RUNX2: variants seen among roughly 807,000 people sequenced by gnomAD.
RUNX2 encodes the protein runt-related transcription factor 2.
Under a neutral mutation model 51.7 loss-of-function variants are expected in RUNX2, and 10 were observed. That is an observed-to-expected ratio of 0.19 (90% CI 0.12 to 0.33). The LOEUF (loss-of-function observed/expected upper bound fraction) is 0.33. RUNX2 is among the 10% of genes least tolerant of loss of function. RUNX2 has a pLI of 1.00. For missense variants in RUNX2, 562 were observed against 691.3 expected (o/e 0.81, Z 2.10); for synonymous variants, 276 against 273.6 (o/e 1.01, Z -0.09).
intron 7 of RUNX2, among the ~76,000 whole-genome samples, chr6:45,526,843 T>C (rs1310090591): frequency 6.6e-6 from 1 of 152,218 alleles, no homozygotes; most frequent in Non-Finnish European, 1.5e-5. Flanking sequence ...ATCAGTTAAA[T>C]GACCATATAA....
intron 5 of RUNX2, among the ~76,000 whole-genome samples, chr6:45,451,214 G>A (rs1237202381): frequency 1.3e-5 from 2 of 152,122 alleles, no homozygotes; most frequent in East Asian, 1.9e-4. Flanking sequence ...GAGAAAAATC[G>A]AGTGGGAGGA....
chr6:45,398,822 A>G (rs1245799117), intron 2 of RUNX2, among the ~76,000 whole-genome samples: 2 of 152,212 alleles, frequency 1.3e-5, no homozygotes, highest in African/African-American at 4.8e-5. Flanking sequence ...ACAATCTAAG[A>G]AAGTAGGTAT....
At chr6:45,442,729 T>A (rs1462313055) in intron 5 of RUNX2, among the ~76,000 whole-genome samples, 1 of 152,220 alleles carries the variant, frequency 6.6e-6, no homozygotes, top group Admixed American at 6.5e-5. Flanking sequence ...TGATTGGGGT[T>A]CATCTGGATG....
At chr6:45,429,883 C>T (rs1798490657) in intron 3 of RUNX2, among the ~76,000 whole-genome samples, 1 of 152,012 alleles carries the variant, frequency 6.6e-6, no homozygotes, top group Admixed American at 6.5e-5. Flanking sequence ...CACCTGAGGT[C>T]AGGGGTTCAA....
chr6:45,441,215 G>A (rs1248088519), intron 5 of RUNX2, among the ~76,000 whole-genome samples: 2 of 152,092 alleles, frequency 1.3e-5, no homozygotes, highest in South Asian at 2.1e-4. Flanking sequence ...TTGTACTATC[G>A]GTTCCTGTTG....
intron 5 of RUNX2, among the ~76,000 whole-genome samples, chr6:45,451,059 C>T (rs536751760): frequency 4.9e-4 from 74 of 152,328 alleles, no homozygotes; most frequent in African/African-American, 1.6e-3. Flanking sequence ...CAAAGGATAA[C>T]ACATTCTAAG....
chr6:45,390,500 A>T (rs1797448370), intron 2 of RUNX2, among the ~76,000 whole-genome samples: 1 of 152,170 alleles, frequency 6.6e-6, no homozygotes, highest in Non-Finnish European at 1.5e-5. Context: ...TTGGGAACTT[A>T]AAGAAGATGA....
intron 2 of RUNX2, 157 bp from the exon 3 acceptor site, chr6:45,422,436 C>G: frequency 1.5e-6 from 1 of 670,212 alleles, no homozygotes. Flanking sequence ...CCTCATCAAA[C>G]TTGATTTCTC....
intron 6 of RUNX2, among the ~76,000 whole-genome samples, chr6:45,503,774 C>G (rs1800869344): frequency 6.6e-6 from 1 of 152,208 alleles, no homozygotes; most frequent in Non-Finnish European, 1.5e-5. Context: ...TGATCCCTAT[C>G]TAGCAAAAGT....
chr6:45,465,619 C>A (rs1799607335), intron 5 of RUNX2, among the ~76,000 whole-genome samples: 1 of 150,680 alleles, frequency 6.6e-6, no homozygotes, highest in Non-Finnish European at 1.5e-5. Flanking sequence ...CTTAATTTTT[C>A]TGTTTTTATT....
chr6:45,388,259 T>C (rs1156564939), intron 2 of RUNX2, among the ~76,000 whole-genome samples: 2 of 152,172 alleles, frequency 1.3e-5, no homozygotes, highest in Non-Finnish European at 2.9e-5. Flanking sequence ...CCCAGTTTTT[T>C]CAGTAATGTA....
At chr6:45,433,439 G>A (rs1255749255) in intron 4 of RUNX2, among the ~76,000 whole-genome samples, 1 of 151,742 alleles carries the variant, frequency 6.6e-6, no homozygotes, top group Admixed American at 6.6e-5. Flanking sequence ...ATGTGAACAT[G>A]ATGATTTACC....
At position 45,340,643 on chromosome 6, in the gene RUNX2, GAA is replaced by G. The variant is rs776564679; in HGVS notation, c.58+11867_58+11868del. ...CTGGCCTTTAGGTCGAGTTTGATCAGAAAAAAAAAGTTTCAAGGAATTAGATA... is the reference window on the plus strand; with the variant it reads ...CTGGCCTTTAGGTCGAGTTTGATCAGAAAAAAAGTTTCAAGGAATTAGATA... On this transcript the variant is annotated intron_variant, in intron 2 of 8. Transcript: ENST00000647337. Among the ~76,000 whole-genome samples, 3 of 149,566 alleles carry G rather than the reference GAA, an allele frequency of 2.0e-5. No homozygotes were observed. In the East Asian group the frequency reaches 5.9e-4, roughly 29 times the overall value.
chr6:45,512,247 C>T lies in RUNX2; in HGVS notation c.861C>T (p.Asp287=). 6.2e-7 allele frequency: 1 copy of T among 1,613,708 alleles called. No homozygotes were observed. The highest frequency in any genetic ancestry group is 8.5e-7 in the Non-Finnish European group (1 of 1,179,986). The change falls in exon 7 of 9, where the codon GAC becomes GAT. Residue 287 remains aspartate, a splice_region_variant and synonymous_variant. Coordinates refer to ENST00000647337, the MANE Select transcript of RUNX2 (RefSeq NM_001024630.4). The stretch of plus-strand genomic sequence containing the variant: ...GATTTTTCTTTTTCTTTTTCCCAGA[C>T]CCCAGGCAGGCACAGTCTTCCCCGC... ...FNPQGQSQIT[D]PRQAQSSPPW...
At chr6:45,378,608 C>A (rs1226901123) in intron 2 of RUNX2, among the ~76,000 whole-genome samples, 2 of 151,646 alleles carry the variant, frequency 1.3e-5, no homozygotes, top group Admixed American at 1.3e-4. Context: ...TGTTACTAGA[C>A]GCAGGCGTTT....
intron 2 of RUNX2, among the ~76,000 whole-genome samples, chr6:45,335,343 T>G (rs1332804584): frequency 6.6e-6 from 1 of 151,242 alleles, no homozygotes; most frequent in Non-Finnish European, 1.5e-5. Flanking sequence ...ATCATGACAT[T>G]TATTTTACTA....
intron 5 of RUNX2, among the ~76,000 whole-genome samples, chr6:45,491,065 A>G (rs1800446157): frequency 6.6e-6 from 1 of 152,142 alleles, no homozygotes. Context: ...AAGTCTTAGT[A>G]TCTTGGTTTG....
At chr6:45,444,395 A>G (rs145900768) in intron 5 of RUNX2, among the ~76,000 whole-genome samples, 14 of 152,324 alleles carry the variant, frequency 9.2e-5, no homozygotes, top group Non-Finnish European at 1.3e-4. Flanking sequence ...GGGAAAAAGG[A>G]GAAGCTCTGC....
At chr6:45,493,787 CAT>C (rs1453229235) in intron 6 of RUNX2, among the ~76,000 whole-genome samples, 5 of 151,344 alleles carry the variant, frequency 3.3e-5, no homozygotes, top group East Asian at 1.9e-4. Flanking sequence ...TATATACACA[CAT>C]ATATATGTGT....
Sources: allele counts gnomAD v4.1 joint callset (sites outside exome capture counted in the v4.1 genomes callset), GRCh38; gene constraint gnomAD v4.1.1; transcripts MANE v1.5; gene names NCBI Gene and HGNC (gene_info 2026-07-23, HGNC 2026-07-21).